HDGF: variants seen among roughly 807,000 people sequenced by gnomAD.
HDGF encodes heparin binding growth factor, also known as hepatoma-derived growth factor.
A neutral mutation model predicts 30.0 loss-of-function variants in HDGF; 5 were observed. The observed-to-expected ratio is 0.17, with a 90% CI of 0.09 to 0.35. The LOEUF (loss-of-function observed/expected upper bound fraction) is 0.35. Among genes scored for constraint, HDGF ranks in the 10% least tolerant of loss-of-function variants. The pLI is 1.00. For missense variants in HDGF, 214 were observed against 302.8 expected (o/e 0.71, Z 2.18); for synonymous variants, 133 against 112.7 (o/e 1.18, Z -1.14).
upstream of HDGF, chr1:156,751,967 G>A: frequency 2.8e-6 from 4 of 1,424,452 alleles, no homozygotes; most frequent in Admixed American, 2.1e-5. The surrounding 1 kb of genome is among the most constrained non-coding windows in gnomAD (Gnocchi z 4.7). Flanking sequence ...GTGCCCGCCC[G>A]CCCGGGAGGA....
intron 1 of HDGF, among the ~76,000 whole-genome samples, chr1:156,763,095 C>G (rs1558040707): frequency 6.6e-6 from 1 of 152,156 alleles, no homozygotes; most frequent in Non-Finnish European, 1.5e-5. Context: ...AACTCTCCAT[C>G]ATTGTGGGTT....
chr1:156,746,712 G>T (rs956682348), intron 1 of HDGF, among the ~76,000 whole-genome samples: 1 of 152,328 alleles, frequency 6.6e-6, no homozygotes. Context: ...TGGGTCGTGG[G>T]GGAAGGTGGG....
At chr1:156,754,354 A>G (rs1490485706), upstream of HDGF, among the ~76,000 whole-genome samples, 1 of 152,250 alleles carries the variant, frequency 6.6e-6, no homozygotes, top group Non-Finnish European at 1.5e-5. Flanking sequence ...TTGTTGCAAC[A>G]AAATCTCTTG....
intron 1 of HDGF, among the ~76,000 whole-genome samples, chr1:156,760,844 T>C (rs1345485093): frequency 1.7e-5 from 2 of 115,844 alleles, no homozygotes; most frequent in Non-Finnish European, 3.5e-5. Context: ...TCCCCCAGCC[T>C]TTTTTTTTTT....
At chr1:156,744,556 C>T in intron 3 of HDGF, 1 of 1,536,250 alleles carries the variant, frequency 6.5e-7, no homozygotes. Flanking sequence ...GGGCTCTGTG[C>T]AGGAGGGGGG....
chr1:156,763,807 C>T (rs947527230), intron 1 of HDGF, among the ~76,000 whole-genome samples: 21 of 152,094 alleles, frequency 1.4e-4, no homozygotes, highest in African/African-American at 2.2e-4. Context: ...AGGCTGGTCT[C>T]GAACTCCTGA....
intron 1 of HDGF, among the ~76,000 whole-genome samples, chr1:156,745,872 T>C (rs1041991671): frequency 1.3e-5 from 2 of 152,192 alleles, no homozygotes; most frequent in African/African-American, 4.8e-5. Flanking sequence ...ACTGAACATC[T>C]CTCTGCCTCA....
intron 2 of HDGF, among the ~76,000 whole-genome samples, chr1:156,757,650 G>T (rs1160967974): frequency 1.3e-5 from 2 of 151,606 alleles, no homozygotes; most frequent in Admixed American, 1.3e-4. Flanking sequence ...AAAATTAGCT[G>T]GGTGTGGTTG....
intron 1 of HDGF, among the ~76,000 whole-genome samples, chr1:156,747,190 A>C (rs1571547575): frequency 3.8e-5 from 4 of 104,458 alleles, no homozygotes; most frequent in East Asian, 3.2e-4. Flanking sequence ...TGACAACGCA[A>C]CCCCGCCCCC....
At chr1:156,744,532 T>A in intron 3 of HDGF, 184 bp from the exon 4 acceptor site, 1 of 1,523,092 alleles carries the variant, frequency 6.6e-7, no homozygotes, top group South Asian at 1.2e-5. Context: ...GTAAACCCAC[T>A]GGCCGGGCAG....
chr1:156,758,598 A>AAAAT (rs1651191148), intron 2 of HDGF, among the ~76,000 whole-genome samples: 1 of 26,350 alleles, frequency 3.8e-5, no homozygotes, highest in African/African-American at 7.5e-5. Flanking sequence ...GTCTCAAAAA[A>AAAAT]AAAAATAAAT....
chr1:156,751,249 CT>C lies in HDGF; in HGVS notation c.87+93del. On this transcript the variant is annotated intron_variant, in intron 1 of 5. Coordinates refer to ENST00000357325, the MANE Select transcript of HDGF (RefSeq NM_004494.3). The surrounding 1 kb of genome is among the most constrained non-coding windows in gnomAD (Gnocchi z 4.7). ...AGACCTACAAGCCCCCTGCCCCCAC[CT>C]CTGCCCGCTCCGCGCGGAGCGCTCG... 7.0e-7 allele frequency: 1 copy of C among 1,433,292 alleles called. No homozygotes were observed. The allele number at this position is 1,433,292 out of a possible 1,614,324, so 88.8% of individuals were successfully genotyped here. A position where few individuals can be genotyped will look rare whatever the true frequency, so the allele number is the denominator to read the frequency against.
chr1:156,753,770 C>T (rs537030715), upstream of HDGF, among the ~76,000 whole-genome samples: 3 of 151,742 alleles, frequency 2.0e-5, no homozygotes, highest in African/African-American at 4.8e-5. Flanking sequence ...AGCCTGGTTT[C>T]GAACTCCTGA....
intron 5 of HDGF, 21 bp downstream of exon 5, chr1:156,743,631 G>C (rs1379794319): frequency 6.3e-7 from 1 of 1,588,634 alleles, no homozygotes. Flanking sequence ...CAGCTGCCAA[G>C]GGGTCAGGGG....
At chr1:156,751,725 C>A, upstream of HDGF, 1 of 1,167,702 alleles carries the variant, frequency 8.6e-7, no homozygotes, top group Non-Finnish European at 1.1e-6. The surrounding 1 kb of genome is among the most constrained non-coding windows in gnomAD (Gnocchi z 4.7). Context: ...CCACCCCCCG[C>A]CCGGTCCCCA....
rs1229521289 is a variant in HDGF, at chr1:156,751,549, T to C, written c.-120A>G. On this transcript the variant is annotated 5_prime_UTR_variant, in exon 1 of 6. Coordinates refer to ENST00000357325, the MANE Select transcript of HDGF (RefSeq NM_004494.3). This position sits in a 1 kb window ranked among gnomAD's most constrained non-coding sequence, Gnocchi z 4.7. The stretch of plus-strand genomic sequence containing the variant: ...CCTCGCGCGGCCCCCGCCTCGATGG[T>C]GGCCCCCGGCCCGAGCTCCGGCGCG... 3 of 1,004,442 alleles carry C rather than the reference T, an allele frequency of 3.0e-6. No individual in the cohort carries two copies. The highest frequency in any genetic ancestry group is 1.8e-5 in the African/African-American group (1 of 57,056). The allele number at this position is 1,004,442 out of a possible 1,614,324, so 62.2% of individuals were successfully genotyped here. A position where few individuals can be genotyped will look rare whatever the true frequency, so the allele number is the denominator to read the frequency against.
upstream of HDGF, chr1:156,752,534 G>T (rs985708909): frequency 1.6e-4 from 97 of 624,628 alleles, no homozygotes; most frequent in Middle Eastern, 8.5e-4. Flanking sequence ...CTTTTCGGAG[G>T]TGGGGAGGGG....
Position 156,765,431 on chromosome 1 carries a change from CTT to C in HDGF, n.136+1357_136+1358del, listed in dbSNP as rs1232519827. Reference sequence around the variant, plus strand: ...TTTCTTTCTTTCTTTCTTTCTCTTTCTTTCTTTCCTTTCTTTCCTTCTTTCCT... The same window carrying C: ...TTTCTTTCTTTCTTTCTTTCTCTTTCTCTTTCCTTTCTTTCCTTCTTTCCT... On this transcript the variant is annotated intron_variant and non_coding_transcript_variant, in intron 1 of 7. Coordinates refer to the HDGF transcript ENST00000465180. Among the ~76,000 whole-genome samples the C allele has an allele frequency of 2.7e-4, 26 of 95,180 alleles. No individual in the cohort carries two copies. The East Asian group carries it at 2.9e-3, about 11-fold the overall frequency. The allele number at this position is 95,180 out of a possible 152,430, so 62.4% of individuals were successfully genotyped here.
intron 1 of HDGF, among the ~76,000 whole-genome samples, chr1:156,760,404 G>A (rs1224904539): frequency 6.6e-6 from 1 of 152,210 alleles, no homozygotes; most frequent in African/African-American, 2.4e-5. Flanking sequence ...GCCTCTCAGG[G>A]TAGAGGTAGC....
Sources: gnomAD v4.1 joint callset for allele counts (sites outside exome capture counted in the v4.1 genomes callset) on GRCh38, gnomAD v4.1.1 for gene constraint, Gnocchi (gnomAD v3.1) non-coding constraint, MANE v1.5 for transcripts, NCBI Gene and HGNC (gene_info 2026-07-23, HGNC 2026-07-21) for gene names.